PRKCE: variants seen among roughly 807,000 people sequenced by gnomAD.
PRKCE encodes protein kinase C epsilon type.
In PRKCE, 16 loss-of-function variants were observed where a neutral mutation model predicts 85.4. The observed-to-expected ratio is 0.19, with a 90% CI of 0.13 to 0.28. The LOEUF (loss-of-function observed/expected upper bound fraction) is 0.28. PRKCE is among the 10% of genes least tolerant of loss of function. The pLI is 1.00. For synonymous variants in PRKCE, 388 were observed against 371.5 expected (o/e 1.04, Z -0.51); for missense variants, 573 against 975.2 (o/e 0.59, Z 5.49).
rs555254195 is a variant in PRKCE, at chr2:46,068,597, C to T, written c.1438-17611C>T. 2.0e-5 allele frequency among the ~76,000 whole-genome samples: 3 copies of T among 152,320 alleles called. 1 individual carries two copies. The highest frequency in any genetic ancestry group is 4.1e-4 in the South Asian group (2 of 4,828). On this transcript the variant is annotated intron_variant, in intron 10 of 14. Coordinates refer to ENST00000306156, the MANE Select transcript of PRKCE (RefSeq NM_005400.3). This position sits in a 1 kb window ranked among gnomAD's most constrained non-coding sequence, Gnocchi z 4.3. ...ATAAGGCAATGGTAGAAGGTTGTCA[C>T]ATACAGAATAAGATCAATCATCAGA...
chr2:45,734,548 T>C (rs1439736003), intron 1 of PRKCE, among the ~76,000 whole-genome samples: 3 of 152,190 alleles, frequency 2.0e-5, no homozygotes, highest in Admixed American at 6.5e-5. Context: ...AGCAGCTTGA[T>C]GGTATGACTG....
At chr2:45,965,881 T>C (rs888337625) in intron 2 of PRKCE, among the ~76,000 whole-genome samples, 3 of 152,242 alleles carry the variant, frequency 2.0e-5, no homozygotes, top group African/African-American at 7.2e-5. Flanking sequence ...TTAGCATAGC[T>C]GCTTTGTTAA....
chr2:45,974,261 T>G (rs897209363), intron 2 of PRKCE, among the ~76,000 whole-genome samples: 2 of 152,268 alleles, frequency 1.3e-5, no homozygotes, highest in Non-Finnish European at 2.9e-5. Flanking sequence ...CAGCTGTGTG[T>G]GTTGCTGTCT....
chr2:45,794,624 C>G (rs1303687832), intron 1 of PRKCE, among the ~76,000 whole-genome samples: 1 of 152,066 alleles, frequency 6.6e-6, no homozygotes, highest in Non-Finnish European at 1.5e-5. Context: ...CTGACAGCCC[C>G]GTCTCTGGAG....
chr2:46,044,899 G>A (rs1341567713), intron 10 of PRKCE, among the ~76,000 whole-genome samples: 1 of 152,184 alleles, frequency 6.6e-6, no homozygotes, highest in South Asian at 2.1e-4. Context: ...ACTCCACGTG[G>A]TGTGTGATTC....
intron 2 of PRKCE, among the ~76,000 whole-genome samples, chr2:45,939,466 G>A (rs1348686140): frequency 2.6e-5 from 4 of 152,112 alleles, no homozygotes; most frequent in African/African-American, 7.2e-5. Context: ...TTCCTTTGTC[G>A]AGGTTACTAA....
intron 2 of PRKCE, among the ~76,000 whole-genome samples, chr2:45,926,065 G>A (rs1409050924): frequency 1.3e-5 from 2 of 152,180 alleles, no homozygotes; most frequent in African/African-American, 4.8e-5. Flanking sequence ...TATTGTGCCA[G>A]TTTTTTTCTA....
chr2:45,680,189 AT>A (rs1676779852), intron 1 of PRKCE, among the ~76,000 whole-genome samples: 1 of 152,222 alleles, frequency 6.6e-6, no homozygotes, highest in African/African-American at 2.4e-5. Context: ...ATGGTTTGAT[AT>A]TGGTGTTCTA....
chr2:45,945,846 TGTCC>T (rs1372571917), intron 2 of PRKCE, among the ~76,000 whole-genome samples: 1 of 152,274 alleles, frequency 6.6e-6, no homozygotes, highest in African/African-American at 2.4e-5. Context: ...AATGGTGGAA[TGTCC>T]TGTACTGATG....
chr2:45,820,426 T>A (rs531836455), intron 1 of PRKCE, among the ~76,000 whole-genome samples: 1 of 150,956 alleles, frequency 6.6e-6, no homozygotes, highest in South Asian at 2.1e-4. Context: ...GAGGGGGAGT[T>A]TGGGAGGAAT....
chr2:45,946,056 C>T (rs1303508819), intron 2 of PRKCE, among the ~76,000 whole-genome samples: 1 of 152,262 alleles, frequency 6.6e-6, no homozygotes, highest in East Asian at 1.9e-4. Flanking sequence ...TAGCTCTGGA[C>T]AGGATTGGTT....
chr2:45,763,215 A>G (rs952617626), intron 1 of PRKCE, among the ~76,000 whole-genome samples: 1 of 151,968 alleles, frequency 6.6e-6, no homozygotes, highest in African/African-American at 2.4e-5. Flanking sequence ...CGGCCTCCCA[A>G]AGTTCTGGGA....
chr2:46,117,348 G>C (rs116739547), intron 11 of PRKCE, among the ~76,000 whole-genome samples: 1,701 of 152,252 alleles, frequency 0.011, 46 homozygotes, highest in African/African-American at 0.038. Flanking sequence ...CTCTTTTGTG[G>C]CTAATAATCC....
intron 11 of PRKCE, among the ~76,000 whole-genome samples, chr2:46,097,992 T>C (rs1328058977): frequency 1.3e-5 from 2 of 152,220 alleles, no homozygotes; most frequent in African/African-American, 4.8e-5. Context: ...CTGACCAGCT[T>C]AGAAGTAGAA....
At chr2:45,737,905 C>G (rs997375304) in intron 1 of PRKCE, among the ~76,000 whole-genome samples, 3 of 152,184 alleles carry the variant, frequency 2.0e-5, no homozygotes, top group Non-Finnish European at 2.9e-5. Flanking sequence ...CCTCCCCCAA[C>G]CTTAGCACCC....
chr2:46,123,112 T>G (rs1673480004), intron 11 of PRKCE, among the ~76,000 whole-genome samples: 1 of 111,066 alleles, frequency 9.0e-6, no homozygotes. Flanking sequence ...AATGTATGTT[T>G]AAACTTTAAG....
chr2:45,780,783 C>A (rs1428126285), intron 1 of PRKCE, among the ~76,000 whole-genome samples: 1 of 152,202 alleles, frequency 6.6e-6, no homozygotes. Flanking sequence ...TAGCTTCCTC[C>A]TCTCATTGTG....
At chr2:45,710,011 A>C (rs1679474836) in intron 1 of PRKCE, among the ~76,000 whole-genome samples, 1 of 152,128 alleles carries the variant, frequency 6.6e-6, no homozygotes, top group African/African-American at 2.4e-5. Context: ...GGGTTTCACC[A>C]TGTTGGCCAG....
At chr2:46,128,066 A>T (rs556661014) in intron 11 of PRKCE, among the ~76,000 whole-genome samples, 8 of 152,380 alleles carry the variant, frequency 5.3e-5, no homozygotes, top group African/African-American at 1.9e-4. Flanking sequence ...TAAAGATAAA[A>T]TGAAAGCAAG....
Sources: allele counts gnomAD v4.1 joint callset (sites outside exome capture counted in the v4.1 genomes callset), GRCh38; gene constraint gnomAD v4.1.1; non-coding constraint Gnocchi (gnomAD v3.1); transcripts MANE v1.5; gene names NCBI Gene and HGNC (gene_info 2026-07-23, HGNC 2026-07-21).